The following MSRA variants were observed in gnomAD, a reference collection of about 807,000 sequenced individuals.
MSRA encodes methionine sulfoxide reductase A.
A neutral mutation model predicts 31.3 loss-of-function variants in MSRA; 54 were observed. The ratio of observed to expected loss-of-function variants is 1.73; its 90% CI spans 1.39 to 2.17. MSRA has a LOEUF of 2.17. Among genes scored for constraint, MSRA ranks in the 30% most tolerant of loss-of-function variants. The pLI, the probability that MSRA is intolerant of heterozygous loss-of-function variation, is 0.00. For missense variants in MSRA, 507 were observed against 300.9 expected, an observed-to-expected ratio of 1.69 and a Z score of -5.07; for synonymous variants, 169 against 116.5, an observed-to-expected ratio of 1.45 and a Z score of -2.90.
Position 10,340,482 on chromosome 8 carries a change from C to T in MSRA, c.543+20493C>T, listed in dbSNP as rs186412028. 4.3e-3 allele frequency among the ~76,000 whole-genome samples: 659 copies of T among 152,302 alleles called. 5 individuals carry two copies. Among genetic ancestry groups the T allele is most frequent in the Admixed American group, 9.7e-3 (148 of 15,308 alleles). On this transcript the variant is annotated intron_variant, in intron 5 of 5. Coordinates refer to ENST00000317173, the MANE Select transcript of MSRA (RefSeq NM_012331.5). ...TCGCCTCCCGGCTTCAAGTGATTCT[C>T]GTCCTTCAGCCTCCAGAATAGCTGG... is the stretch of plus-strand genomic sequence containing the variant.
At chr8:10,329,993 G>T (rs1207190472) in intron 5 of MSRA, among the ~76,000 whole-genome samples, 1 of 139,088 alleles carries the variant, frequency 7.2e-6, no homozygotes. Flanking sequence ...AAGGATATTT[G>T]GGAGAGAAAA....
chr8:10,412,233 C>T (rs1474486438), intron 5 of MSRA, among the ~76,000 whole-genome samples: 2 of 152,218 alleles, frequency 1.3e-5, no homozygotes, highest in African/African-American at 2.4e-5. Context: ...TGATGTATTG[C>T]AGCTAGTCGT....
At chr8:10,322,289 A>G (rs73193585) in intron 5 of MSRA, among the ~76,000 whole-genome samples, 2 of 151,952 alleles carry the variant, frequency 1.3e-5, no homozygotes, top group Non-Finnish European at 2.9e-5. Context: ...AAGAGAAGTA[A>G]GACTGGATGC....
chr8:10,085,700 A>G (rs1301159967), intron 1 of MSRA, among the ~76,000 whole-genome samples: 1 of 152,262 alleles, frequency 6.6e-6, no homozygotes. Flanking sequence ...GTCCAGTTTT[A>G]GAACACTGTC....
chr8:10,238,898 G>A (rs1432420636), intron 2 of MSRA, among the ~76,000 whole-genome samples: 1 of 152,116 alleles, frequency 6.6e-6, no homozygotes, highest in Non-Finnish European at 1.5e-5. Context: ...AAAAGATAGA[G>A]AAATTTAAGA....
At chr8:10,215,794 T>G (rs138068658) in intron 2 of MSRA, among the ~76,000 whole-genome samples, 1,822 of 152,318 alleles carry the variant, frequency 0.012, 38 homozygotes, top group African/African-American at 0.041. Context: ...TGTGGCTAAT[T>G]TTTTCACTTT....
intron 5 of MSRA, among the ~76,000 whole-genome samples, chr8:10,417,379 TC>T (rs1808524717): frequency 3.3e-5 from 5 of 151,168 alleles, no homozygotes; most frequent in Admixed American, 2.6e-4. Context: ...TCCGGGGTCC[TC>T]TTTGGTGTTG....
chr8:10,319,381 T>G (rs1177806694), intron 4 of MSRA, among the ~76,000 whole-genome samples: 1 of 152,092 alleles, frequency 6.6e-6, no homozygotes, highest in Non-Finnish European at 1.5e-5. Flanking sequence ...AGTTGCAGGC[T>G]AGATGGGTAG....
intron 1 of MSRA, among the ~76,000 whole-genome samples, chr8:10,197,492 C>T (rs777517696): frequency 1.3e-5 from 2 of 152,032 alleles, no homozygotes; most frequent in Non-Finnish European, 1.5e-5. Flanking sequence ...AGAAGTGGGT[C>T]GGGCATTGCG....
intron 3 of MSRA, among the ~76,000 whole-genome samples, chr8:10,278,350 C>G (rs971219991): frequency 6.6e-6 from 1 of 152,236 alleles, no homozygotes; most frequent in Non-Finnish European, 1.5e-5. Context: ...CCTGCCATCA[C>G]AAGTAGATCC....
At chr8:10,403,025 T>G (rs1490543339) in intron 5 of MSRA, among the ~76,000 whole-genome samples, 1 of 152,162 alleles carries the variant, frequency 6.6e-6, no homozygotes, top group African/African-American at 2.4e-5. Flanking sequence ...GTAGCCAAGT[T>G]CATGCACAAA....
At chr8:10,082,958 A>C (rs922393771) in intron 1 of MSRA, among the ~76,000 whole-genome samples, 1 of 152,222 alleles carries the variant, frequency 6.6e-6, no homozygotes, top group Non-Finnish European at 1.5e-5. Context: ...GCTCTTAAGG[A>C]GTTTATAGTC....
At chr8:10,198,239 C>G (rs893176357) in intron 1 of MSRA, among the ~76,000 whole-genome samples, 2 of 151,894 alleles carry the variant, frequency 1.3e-5, no homozygotes, top group African/African-American at 4.8e-5. Context: ...AAATCAGCCA[C>G]GACTACAGCA....
At chr8:10,108,617 C>G (rs909002506) in intron 1 of MSRA, among the ~76,000 whole-genome samples, 18 of 152,148 alleles carry the variant, frequency 1.2e-4, no homozygotes, top group African/African-American at 4.1e-4. Flanking sequence ...TATAAACACC[C>G]CGAGGAAGTT....
chr8:10,062,535 A>G (rs1585067868), intron 1 of MSRA, among the ~76,000 whole-genome samples: 1 of 152,216 alleles, frequency 6.6e-6, no homozygotes, highest in African/African-American at 2.4e-5. Context: ...AGACTGTAGC[A>G]TATAACCTGT....
intron 5 of MSRA, among the ~76,000 whole-genome samples, chr8:10,427,203 C>T (rs528100139): frequency 7.2e-5 from 11 of 152,290 alleles, no homozygotes; most frequent in African/African-American, 2.4e-4. Context: ...TGAATGGAGG[C>T]AGTGAGAGTG....
chr8:10,245,861 G>A (rs940763781), intron 3 of MSRA, among the ~76,000 whole-genome samples: 1 of 152,220 alleles, frequency 6.6e-6, no homozygotes, highest in East Asian at 1.9e-4. Flanking sequence ...AATATGGGAT[G>A]GCTCCCCAAA....
intron 5 of MSRA, among the ~76,000 whole-genome samples, chr8:10,406,353 C>A (rs1468979795): frequency 6.6e-6 from 1 of 152,204 alleles, no homozygotes; most frequent in Non-Finnish European, 1.5e-5. Context: ...AGAATGTGAC[C>A]TTTCAGCTAC....
Position 10,416,327 on chromosome 8 carries a change from G to A in MSRA, c.544-11821G>A, listed in dbSNP as rs920103026. 6.6e-5 allele frequency among the ~76,000 whole-genome samples: 10 copies of A among 152,342 alleles called. No homozygotes were observed. The South Asian group carries it at 8.3e-4, about 13-fold the overall frequency. ...AACTTCTTCACAGAGAAATCTGCTC[G>A]CTTCGGCTGAACTGTGCTGACTTCC... On this transcript the variant is annotated intron_variant, in intron 5 of 5. Transcript: ENST00000317173.
Sources: gnomAD v4.1 joint callset for allele counts (sites outside exome capture counted in the v4.1 genomes callset) on GRCh38, gnomAD v4.1.1 for gene constraint, MANE v1.5 for transcripts, NCBI Gene and HGNC (gene_info 2026-07-23, HGNC 2026-07-21) for gene names.